Variants in GRID2 observed in about 807,000 individuals in gnomAD.
GRID2 encodes glutamate receptor ionotropic, delta-2.
In GRID2, 33 loss-of-function variants were observed where a neutral mutation model predicts 114.8. That is an observed-to-expected ratio of 0.29 (90% CI 0.22 to 0.38). The LOEUF (loss-of-function observed/expected upper bound fraction) is 0.38, where lower values mean the gene tolerates loss of function less well. Among genes scored for constraint, GRID2 ranks in the 10% least tolerant of loss-of-function variants. The probability of loss-of-function intolerance (pLI) is 1.00; values close to 1 mark genes in which losing one functional copy is unlikely to be tolerated. For missense variants in GRID2, 1,184 were observed against 1,257.7 expected (o/e 0.94, Z 0.89); for synonymous variants, 505 against 449.9 (o/e 1.12, Z -1.55).
intron 13 of GRID2, among the ~76,000 whole-genome samples, chr4:93,560,241 A>AAAAAAAAAAAAAAAC (rs1734784545): frequency 6.7e-6 from 1 of 150,238 alleles, no homozygotes; most frequent in Non-Finnish European, 1.5e-5. Flanking sequence ...AAAAAAAAAA[A>AAAAAAAAAAAAAAAC]AAAAAAAAAA....
chr4:92,888,929 A>G (rs1258110011), intron 2 of GRID2, among the ~76,000 whole-genome samples: 1 of 152,052 alleles, frequency 6.6e-6, no homozygotes, highest in East Asian at 1.9e-4. Flanking sequence ...GAGCAGATAT[A>G]CACATTTTAC....
rs371496238 is a variant in GRID2, at chr4:93,723,416, G to T, written c.2361-45794G>T. Among the ~76,000 whole-genome samples, 106 of 152,258 alleles carry T rather than the reference G, an allele frequency of 7.0e-4. No individual in the cohort carries two copies. In the South Asian group the frequency reaches 0.021, roughly 30 times the overall value. ...CAGACACAGGCAAATCAGAATGAAA[G>T]CACAGATCAATAAAAATGGGCCCAG... On this transcript the variant is annotated intron_variant, in intron 14 of 15. Transcript: ENST00000282020.
intron 2 of GRID2, among the ~76,000 whole-genome samples, chr4:92,871,772 A>G (rs1745298072): frequency 6.6e-6 from 1 of 152,210 alleles, no homozygotes; most frequent in Admixed American, 6.5e-5. Context: ...AAATGTACAA[A>G]AGTCTTCTTG....
In GRID2 at chr4:93,539,800, G is replaced by GTT. The variant is rs200001214; in HGVS notation, c.2193+24396_2193+24397dup. 5.3e-4 allele frequency among the ~76,000 whole-genome samples: 81 copies of GTT among 151,614 alleles called. 2 individuals are homozygous for GTT. The East Asian group carries it at 0.014, about 26-fold the overall frequency. On this transcript the variant is annotated intron_variant, in intron 13 of 15. Coordinates refer to ENST00000282020, the MANE Select transcript of GRID2 (RefSeq NM_001510.4). Reference sequence around the variant, plus strand: ...GAGATGTCAGAAATATGTCTGATGGGTTTTTTTTGTTTGTTTGTTTGTGTG... The same window carrying GTT: ...GAGATGTCAGAAATATGTCTGATGGGTTTTTTTTTTGTTTGTTTGTTTGTGTG...
chr4:93,155,360 C>CT lies in GRID2; in HGVS notation c.735+44413dup, dbSNP rs536647915. Among the ~76,000 whole-genome samples, 533 of 152,026 alleles carry CT rather than the reference C, an allele frequency of 3.5e-3. 3 individuals carry two copies. Among genetic ancestry groups the CT allele is most frequent in the Non-Finnish European group, 6.0e-3 (405 of 67,916 alleles). On this transcript the variant is annotated intron_variant, in intron 4 of 15. Transcript: ENST00000282020. ...GAAGGCCTTTTCTCCTCCCCAACAT[C>CT]TTTTTTCTGCCTTGCAGATGCCACC...
At chr4:93,086,033 C>A (rs372817625) in intron 3 of GRID2, among the ~76,000 whole-genome samples, 4 of 151,836 alleles carry the variant, frequency 2.6e-5, no homozygotes, top group African/African-American at 9.7e-5. Context: ...TCTAACTGAC[C>A]GATCCCCAAT....
intron 2 of GRID2, among the ~76,000 whole-genome samples, chr4:92,774,577 C>CTTTTTTTT (rs1166044188): frequency 2.8e-5 from 3 of 106,368 alleles, no homozygotes; most frequent in African/African-American, 7.6e-5. Context: ...TTTTTCTTTC[C>CTTTTTTTT]TTTTTTTTTT....
intron 2 of GRID2, among the ~76,000 whole-genome samples, chr4:92,735,715 T>G (rs1291507228): frequency 6.6e-6 from 1 of 152,118 alleles, no homozygotes; most frequent in Admixed American, 6.6e-5. Flanking sequence ...CCTAGAAAAT[T>G]TTATTTGCAT....
At chr4:93,516,153 A>G (rs771892857) in intron 13 of GRID2, among the ~76,000 whole-genome samples, 2 of 152,148 alleles carry the variant, frequency 1.3e-5, no homozygotes, top group Admixed American at 6.6e-5. Flanking sequence ...TATGGAATGC[A>G]GGAATGAACG....
rs79125464 is a variant in GRID2 at position 93,624,634 on chromosome 4, A to T, written c.2194-1635A>T. 4.4e-4 allele frequency among the ~76,000 whole-genome samples: 67 copies of T among 152,288 alleles called. 1 individual carries two copies. The East Asian group carries it at 0.013, about 29-fold the overall frequency. On this transcript the variant is annotated intron_variant, in intron 13 of 15. Coordinates refer to ENST00000282020, the MANE Select transcript of GRID2 (RefSeq NM_001510.4). ...TAAGATATGTTGTCACCCCAGTAAC[A>T]TTTCTAATACTGAACCAATGTTGCT...
At chr4:93,158,323 G>A (rs1041481504) in intron 4 of GRID2, among the ~76,000 whole-genome samples, 1 of 151,786 alleles carries the variant, frequency 6.6e-6, no homozygotes, top group African/African-American at 2.4e-5. Context: ...TCCTTGATAT[G>A]TGCCTTTTAA....
rs533253076 is a variant in GRID2, at chr4:93,552,844, T to G, written c.2193+37433T>G. On this transcript the variant is annotated intron_variant, in intron 13 of 15. Coordinates refer to ENST00000282020, the MANE Select transcript of GRID2 (RefSeq NM_001510.4). The stretch of plus-strand genomic sequence containing the variant: ...TTCCCCTCCCTGTGTCCATGTGTTC[T>G]CATTGTTCAACTCCCATTTATGAGT... Among the ~76,000 whole-genome samples, 172 of 148,690 alleles carry G rather than the reference T, an allele frequency of 1.2e-3. 1 individual carries two copies. Among genetic ancestry groups the G allele is most frequent in the African/African-American group, 4.1e-3 (167 of 40,490 alleles).
At chr4:92,467,969 A>G (rs147337021) in intron 1 of GRID2, among the ~76,000 whole-genome samples, 9 of 152,054 alleles carry the variant, frequency 5.9e-5, no homozygotes, top group Non-Finnish European at 1.3e-4. Flanking sequence ...AAACTTACCT[A>G]TGACTACATG....
chr4:93,792,636 G>A (rs1734716904), intron 1 of GRID2, among the ~76,000 whole-genome samples: 1 of 152,136 alleles, frequency 6.6e-6, no homozygotes, highest in Admixed American at 6.5e-5. Flanking sequence ...TCTGAATAAA[G>A]TGAATGTCAG....
At chr4:92,704,132 G>C (rs981763982) in intron 2 of GRID2, among the ~76,000 whole-genome samples, 7 of 152,222 alleles carry the variant, frequency 4.6e-5, no homozygotes, top group South Asian at 2.1e-4. Context: ...CAAAAAATTA[G>C]CTGGGCGTCG....
chr4:93,772,349 G>C lies in GRID2; in HGVS notation c.2875G>C (p.Glu959Gln). ...ASGFTFGNVP[E>Q]HRTGPFRHRA... ...TGGTTTCACTTTTGGCAACGTGCCT[G>C]AGCACCGAACTGGCCCTTTTAGGCA... is the stretch of plus-strand genomic sequence containing the variant. The change falls in exon 16 of 16, where the codon GAG (glutamate) becomes CAG (glutamine). Residue 959 changes from glutamate (E) to glutamine (Q), a missense_variant. Physicochemically the swap from Glu to Gln is conservative, Grantham distance 29 (BLOSUM62 2). This residue lies in a region of GRID2 where 717 missense variants were observed against 796.9 expected (regional missense o/e 0.90). Coordinates refer to ENST00000282020, the MANE Select transcript of GRID2 (RefSeq NM_001510.4). The C allele has an allele frequency of 6.2e-7, 1 of 1,614,114 alleles. No homozygotes were observed. Among genetic ancestry groups the C allele is most frequent in the Non-Finnish European group, 8.5e-7 (1 of 1,180,014 alleles).
chr4:93,142,950 A>G (rs953754441), intron 4 of GRID2, among the ~76,000 whole-genome samples: 9 of 152,158 alleles, frequency 5.9e-5, no homozygotes, highest in African/African-American at 2.2e-4. Context: ...GGTTTCACAT[A>G]TTTCCCAGGT....
intron 13 of GRID2, among the ~76,000 whole-genome samples, chr4:93,545,619 C>T (rs796551673): frequency 4.2e-4 from 64 of 152,188 alleles, no homozygotes; most frequent in African/African-American, 1.3e-3. Flanking sequence ...CCATGGGAGC[C>T]GATTCTAGGC....
intron 13 of GRID2, among the ~76,000 whole-genome samples, chr4:93,589,006 A>C (rs13115635): frequency 0.15 from 22,627 of 151,608 alleles, 2,261 homozygotes; most frequent in Middle Eastern, 0.3. Context: ...GAATTCAACA[A>C]CGTTCATGAT....
Sources: allele counts gnomAD v4.1 joint callset (sites outside exome capture counted in the v4.1 genomes callset), GRCh38; gene constraint gnomAD v4.1.1; regional missense constraint gnomAD v4.1.1; transcripts MANE v1.5; gene names NCBI Gene and HGNC (gene_info 2026-07-23, HGNC 2026-07-21).